MECR: variants seen among roughly 807,000 people sequenced by gnomAD.
MECR encodes the protein mitochondrial trans-2-enoyl-CoA reductase, also known as enoyl-[acyl-carrier-protein] reductase, mitochondrial.
Under a neutral mutation model 49.1 loss-of-function variants are expected in MECR, and 37 were observed. The observed-to-expected ratio is 0.75, with a 90% CI of 0.58 to 0.99. The LOEUF is 0.99. Among genes scored for constraint, MECR ranks in the 50% least tolerant of loss-of-function variants. The pLI, the probability that MECR is intolerant of heterozygous loss-of-function variation, is 0.00. For missense variants in MECR, 470 were observed against 479.6 expected (o/e 0.98, Z 0.19); for synonymous variants, 198 against 191.1 (o/e 1.04, Z -0.30).
chr1:29,211,140 G>C lies in MECR; in HGVS notation c.407-4235C>G, dbSNP rs942447045. Among the ~76,000 whole-genome samples the C allele has an allele frequency of 2.0e-5, 3 of 151,144 alleles. No homozygotes were observed. The East Asian group carries it at 5.8e-4, about 29-fold the overall frequency. ...GAGTCTTACTCTGTTGCCCAGGTTG[G>C]AGTGTGGCTTACTGCAACTTCTGCT... On this transcript the variant is annotated intron_variant, in intron 3 of 9. Coordinates refer to ENST00000263702, the MANE Select transcript of MECR (RefSeq NM_016011.5).
chr1:29,223,021 C>T, intron 1 of MECR: 1 of 904,538 alleles, frequency 1.1e-6, no homozygotes. Flanking sequence ...GCAATTTCTT[C>T]CCTGTTCTTT....
At chr1:29,209,749 G>A (rs1192927428) in intron 3 of MECR, among the ~76,000 whole-genome samples, 1 of 152,182 alleles carries the variant, frequency 6.6e-6, no homozygotes, top group African/African-American at 2.4e-5. Flanking sequence ...TCCTCACTGT[G>A]TCACCTTAGG....
intron 1 of MECR, among the ~76,000 whole-genome samples, chr1:29,218,866 A>C (rs937263301): frequency 6.6e-6 from 1 of 152,192 alleles, no homozygotes; most frequent in African/African-American, 2.4e-5. Context: ...CACACTGCTA[A>C]GTGCTTTACC....
At chr1:29,220,212 G>A (rs1178032705) in intron 1 of MECR, among the ~76,000 whole-genome samples, 3 of 139,898 alleles carry the variant, frequency 2.1e-5, no homozygotes, top group Non-Finnish European at 3.1e-5. Flanking sequence ...TCAACATGGC[G>A]AAACCCCGTC....
At chr1:29,220,990 C>T (rs1343420034) in intron 1 of MECR, 1 of 816,532 alleles carries the variant, frequency 1.2e-6, no homozygotes, top group East Asian at 1.2e-4. Flanking sequence ...AAACGTAATT[C>T]AACAAATATT....
the MECR span, chr1:29,170,670 A>G: frequency 6.6e-6 from 1 of 152,216 alleles, no homozygotes; most frequent in South Asian, 2.1e-4. Flanking sequence ...GGATGGATCA[A>G]TAGCTTCATT....
chr1:29,206,625 C>G, intron 4 of MECR, 137 bp downstream of exon 4: 1 of 970,578 alleles, frequency 1.0e-6, no homozygotes, highest in Non-Finnish European at 1.5e-6. Flanking sequence ...GTGAAAGCAA[C>G]AACATTCACC....
chr1:29,203,098 A>G (rs757604329), intron 5 of MECR, 33 bp downstream of exon 5: 71 of 1,510,806 alleles, frequency 4.7e-5, no homozygotes, highest in Non-Finnish European at 6.3e-5. Context: ...GACCCAAGAC[A>G]TGGTCTGGGA....
rs144190140 is a variant in MECR, at chr1:29,198,964, C to G, written c.830+1552G>C. On this transcript the variant is annotated intron_variant, in intron 7 of 9. Coordinates refer to ENST00000263702, the MANE Select transcript of MECR (RefSeq NM_016011.5). ...TAAAACAGAGGTTAGAACTGCACCC[C>G]CTGTCTAGGTGGTTGTGGGAAGGGT... 6.0e-3 allele frequency among the ~76,000 whole-genome samples: 907 copies of G among 152,150 alleles called. 5 individuals are homozygous for G. The highest frequency in any genetic ancestry group is 0.028 in the South Asian group (136 of 4,810).
At chr1:29,168,747 C>T in the MECR span, 1 of 152,142 alleles carries the variant, frequency 6.6e-6, no homozygotes, top group Admixed American at 6.6e-5. Flanking sequence ...AAAAATTAGA[C>T]CAGCATAAAG....
At chr1:29,218,944 C>T (rs192988161) in intron 1 of MECR, among the ~76,000 whole-genome samples, 1 of 152,292 alleles carries the variant, frequency 6.6e-6, no homozygotes. Flanking sequence ...AACAAAGGCT[C>T]TAAGAGGTAA....
At chr1:29,205,785 A>G (rs1466270714) in intron 4 of MECR, among the ~76,000 whole-genome samples, 2 of 152,070 alleles carry the variant, frequency 1.3e-5, no homozygotes, top group Admixed American at 6.6e-5. Context: ...AGCCCACGCC[A>G]CTGCACTCAA....
intron 3 of MECR, among the ~76,000 whole-genome samples, chr1:29,211,116 A>T (rs1677914457): frequency 6.8e-6 from 1 of 148,136 alleles, no homozygotes; most frequent in African/African-American, 2.5e-5. Flanking sequence ...TTGAGACAAG[A>T]GTCTTACTCT....
At chr1:29,187,995 C>T (rs1404250450), downstream of MECR, among the ~76,000 whole-genome samples, 1 of 136,442 alleles carries the variant, frequency 7.3e-6, no homozygotes, top group African/African-American at 2.8e-5. Context: ...TGAGATTGTG[C>T]CACTGCACTC....
the MECR span, chr1:29,182,039 A>C: frequency 3.3e-6 from 1 of 298,650 alleles, no homozygotes; most frequent in Non-Finnish European, 6.1e-6. Flanking sequence ...CGGCGGGGCA[A>C]GGTGATCGAC....
rs1362927909 is a variant in MECR, at chr1:29,216,066, C to T, written c.345G>A (p.Val115=). The T allele has an allele frequency of 6.2e-7, 1 of 1,614,096 alleles. No individual in the cohort carries two copies. The highest frequency in any genetic ancestry group is 1.1e-5 in the South Asian group (1 of 91,080). The change falls in exon 3 of 10, where the codon GTG becomes GTA. Residue 115 remains valine, a synonymous_variant. Transcript: ENST00000263702. ...GCTTCAGCCCGGTCACATTGCTGCC[C>T]ACCGCTACCACCTGTGCAACACCTT... is the stretch of plus-strand genomic sequence containing the variant. ...GNEGVAQVVA[V]GSNVTGLKPG...
chr1:29,179,002 A>G, the MECR span, among the ~76,000 whole-genome samples: 9 of 152,274 alleles, frequency 5.9e-5, no homozygotes, highest in East Asian at 1.7e-3. Flanking sequence ...CATTTCATGC[A>G]TATCATGGTT....
chr1:29,215,438 C>T (rs1347805378), intron 3 of MECR, among the ~76,000 whole-genome samples: 4 of 152,024 alleles, frequency 2.6e-5, no homozygotes, highest in East Asian at 1.9e-4. Flanking sequence ...ATTTGTCGGG[C>T]GTGATGGTGT....
chr1:29,177,922 CAG>C, the MECR span, among the ~76,000 whole-genome samples: 6 of 102,968 alleles, frequency 5.8e-5, no homozygotes, highest in East Asian at 2.6e-4. Flanking sequence ...TTTTTTGAGA[CAG>C]AGTCTTGCTC....
Sources: allele counts gnomAD v4.1 joint callset (sites outside exome capture counted in the v4.1 genomes callset), GRCh38; gene constraint gnomAD v4.1.1; transcripts MANE v1.5; gene names NCBI Gene and HGNC (gene_info 2026-07-23, HGNC 2026-07-21).